The following TENM4 variants were observed in gnomAD, a reference collection of about 807,000 sequenced individuals.
The protein encoded by TENM4 is teneurin transmembrane protein 4.
Under a neutral mutation model 243.3 loss-of-function variants are expected in TENM4, and 82 were observed. The ratio of observed to expected loss-of-function variants is 0.34; its 90% CI spans 0.28 to 0.40. The LOEUF (loss-of-function observed/expected upper bound fraction) is 0.40. TENM4 is among the 10% of genes least tolerant of loss of function. The probability of loss-of-function intolerance (pLI) is 1.00; values close to 1 mark genes in which losing one functional copy is unlikely to be tolerated. For missense variants in TENM4, 3,138 were observed against 3,673.3 expected, an observed-to-expected ratio of 0.85 and a Z score of 3.77; for synonymous variants, 1,412 against 1,456.3, an observed-to-expected ratio of 0.97 and a Z score of 0.69.
At chr11:78,792,157 A>G (rs772374608) in intron 15 of TENM4, among the ~76,000 whole-genome samples, 2 of 152,214 alleles carry the variant, frequency 1.3e-5, no homozygotes, top group African/African-American at 2.4e-5. Flanking sequence ...TGACTAATTG[A>G]TGAGGACCTA....
intron 18 of TENM4, among the ~76,000 whole-genome samples, chr11:78,764,595 T>G (rs115521392): frequency 6.6e-6 from 1 of 152,290 alleles, no homozygotes; most frequent in Non-Finnish European, 1.5e-5. Flanking sequence ...TCAAGGGCCA[T>G]GGGGTGTGGT....
At chr11:79,126,390 C>T (rs1333124900) in intron 4 of TENM4, among the ~76,000 whole-genome samples, 1 of 152,218 alleles carries the variant, frequency 6.6e-6, no homozygotes, top group African/African-American at 2.4e-5. Flanking sequence ...ACAGTGGGAA[C>T]CACAGTCACT....
At chr11:79,187,348 C>G (rs1863398263) in intron 3 of TENM4, among the ~76,000 whole-genome samples, 1 of 152,304 alleles carries the variant, frequency 6.6e-6, no homozygotes, top group East Asian at 1.9e-4. Context: ...ACTGGGCTGG[C>G]TACTTGCTAA....
Position 79,069,841 on chromosome 11 carries a change from G to A in TENM4, c.104C>T (p.Pro35Leu). 2 of 1,550,766 alleles carry A rather than the reference G, an allele frequency of 1.3e-6. No homozygotes were observed. The highest frequency in any genetic ancestry group is 1.7e-6 in the Non-Finnish European group (2 of 1,146,894). Residue 35 changes from proline (P) to leucine (L), a missense_variant, in exon 5 of 34, where the codon CCG becomes CTG. Around this residue, in one of 2 missense-constraint regions of TENM4, gnomAD observed 671 missense variants for 614.1 expected, o/e 1.09. Transcript: ENST00000278550. ...CTCGCTGGAGCTGTACGATTTCTGC[G>A]GGGCTTTGCCCTCCTCGCTGTCCGC... The part of the protein sequence containing the change: ...SSADSEEGKA[P>L]QKSYSSSETL...
intron 15 of TENM4, among the ~76,000 whole-genome samples, chr11:78,801,082 A>G (rs761923293): frequency 1.3e-5 from 2 of 152,148 alleles, no homozygotes; most frequent in Non-Finnish European, 2.9e-5. Flanking sequence ...CTTGTCAGAA[A>G]GAGAGATAAG....
chr11:78,806,109 G>A (rs1857382281), intron 14 of TENM4, among the ~76,000 whole-genome samples: 1 of 151,890 alleles, frequency 6.6e-6, no homozygotes, highest in Admixed American at 6.6e-5. Flanking sequence ...GGGCAACACA[G>A]CGAGATCCTG....
At chr11:78,856,976 T>C (rs1486143025) in intron 10 of TENM4, among the ~76,000 whole-genome samples, 2 of 152,148 alleles carry the variant, frequency 1.3e-5, no homozygotes, top group Non-Finnish European at 2.9e-5. Flanking sequence ...GCCATTTCTA[T>C]ACTGATTAGG....
chr11:79,298,408 G>A (rs1389071820), intron 1 of TENM4, among the ~76,000 whole-genome samples: 3 of 151,058 alleles, frequency 2.0e-5, no homozygotes, highest in South Asian at 2.1e-4. Flanking sequence ...CCAGCTACTC[G>A]GGAGGCTGAG....
At position 78,787,013 on chromosome 11, in the gene TENM4, C is replaced by G; in HGVS notation, c.2250G>C (p.Trp750Cys). The change falls in exon 16 of 34, where the codon TGG becomes TGC. Residue 750 changes from tryptophan to cysteine, a missense_variant. This residue lies in a region of TENM4 where 2,467 missense variants were observed against 3,059.1 expected (regional missense o/e 0.81). Transcript: ENST00000278550. ...CCCGCTGGTCGCAGGCTGCCCCCAT[C>G]CAGCCATCCTCGCAGCGGCAGGTGC... ...VGGTCRCEDG[W>C]MGAACDQRAC... The G allele has an allele frequency of 1.3e-6, 2 of 1,568,362 alleles. No individual in the cohort carries two copies. Among genetic ancestry groups the G allele is most frequent in the Non-Finnish European group, 8.6e-7 (1 of 1,156,642 alleles).
In TENM4 at chr11:79,440,119, A is replaced by G. The variant is rs1273426334; in HGVS notation, c.-321+390T>C. On this transcript the variant is annotated intron_variant, in intron 1 of 33. Transcript: ENST00000278550. This position sits in a 1 kb window ranked among gnomAD's most constrained non-coding sequence, Gnocchi z 4.7. Reference sequence around the variant, plus strand: ...CAGCGCCCGACGGGGGCCTGGGGCGAGCTAGTCTGCAGAGGGGCTGCAGGC... The same window carrying G: ...CAGCGCCCGACGGGGGCCTGGGGCGGGCTAGTCTGCAGAGGGGCTGCAGGC... 1.3e-5 allele frequency among the ~76,000 whole-genome samples: 2 copies of G among 151,962 alleles called. No individual in the cohort carries two copies. Among genetic ancestry groups the G allele is most frequent in the African/African-American group, 4.8e-5 (2 of 41,384 alleles).
At chr11:78,946,148 G>A (rs745911814) in intron 6 of TENM4, among the ~76,000 whole-genome samples, 4 of 152,220 alleles carry the variant, frequency 2.6e-5, no homozygotes, top group Non-Finnish European at 4.4e-5. Flanking sequence ...AGTTAGAGAG[G>A]AAAAGTCAAT....
chr11:79,146,617 G>T (rs79794186), intron 4 of TENM4, among the ~76,000 whole-genome samples: 334 of 152,068 alleles, frequency 2.2e-3, no homozygotes, highest in African/African-American at 7.5e-3. Flanking sequence ...TATCTAACGA[G>T]TTAACACAAC....
intron 3 of TENM4, among the ~76,000 whole-genome samples, chr11:79,194,259 T>G (rs1473609135): frequency 1.3e-5 from 2 of 151,778 alleles, no homozygotes; most frequent in African/African-American, 4.8e-5. Flanking sequence ...GGATATGTCT[T>G]TATCAACAGC....
At chr11:79,204,650 A>G (rs1260694764) in intron 3 of TENM4, among the ~76,000 whole-genome samples, 1 of 152,220 alleles carries the variant, frequency 6.6e-6, no homozygotes, top group Non-Finnish European at 1.5e-5. Context: ...GGGAGAATAA[A>G]TAGGTATAGT....
intron 6 of TENM4, among the ~76,000 whole-genome samples, chr11:79,060,718 T>C (rs752706): frequency 0.039 from 5,943 of 152,256 alleles, 384 homozygotes; most frequent in African/African-American, 0.14. Context: ...TCGCAGGCTA[T>C]TGTGTCTCAG....
intron 10 of TENM4, among the ~76,000 whole-genome samples, chr11:78,861,181 G>A (rs191384166): frequency 3.7e-4 from 57 of 152,300 alleles, no homozygotes; most frequent in African/African-American, 1.3e-3. Context: ...TGGGCACCAC[G>A]AGCCAAAAGG....
intron 28 of TENM4, among the ~76,000 whole-genome samples, 190 bp from the exon 29 acceptor site, chr11:78,688,416 A>G (rs1858739163): frequency 4.6e-5 from 7 of 152,138 alleles, no homozygotes; most frequent in Admixed American, 3.9e-4. Flanking sequence ...CCACCTGCTG[A>G]TATCCAGCTG....
At chr11:79,256,271 C>A (rs928308968) in intron 2 of TENM4, among the ~76,000 whole-genome samples, 1 of 152,200 alleles carries the variant, frequency 6.6e-6, no homozygotes, top group South Asian at 2.1e-4. Context: ...TCCTGGGGTG[C>A]TGCGCTATCT....
intron 9 of TENM4, among the ~76,000 whole-genome samples, chr11:78,883,935 T>C (rs946514315): frequency 6.6e-6 from 1 of 152,216 alleles, no homozygotes; most frequent in Admixed American, 6.5e-5. Context: ...GGAAGCCTGT[T>C]GGTGCTGCAG....
Sources: allele counts gnomAD v4.1 joint callset (sites outside exome capture counted in the v4.1 genomes callset), GRCh38; gene constraint gnomAD v4.1.1; regional missense constraint gnomAD v4.1.1; non-coding constraint Gnocchi (gnomAD v3.1); transcripts MANE v1.5; gene names NCBI Gene and HGNC (gene_info 2026-07-23, HGNC 2026-07-21).